Variants in UGT1A7 observed in about 807,000 individuals in gnomAD.
The protein encoded by UGT1A7 is UDP-glucuronosyltransferase 1A7.
UGT1A7 carries 33 observed loss-of-function variants against 45.6 expected under a neutral mutation model. That is an observed-to-expected ratio of 0.72 (90% CI 0.55 to 0.97). UGT1A7 has a LOEUF of 0.97. Among genes scored for constraint, UGT1A7 ranks in the 50% least tolerant of loss-of-function variants. The pLI, the probability that UGT1A7 is intolerant of heterozygous loss-of-function variation, is 0.00. For synonymous variants in UGT1A7, 274 were observed against 250.6 expected (o/e 1.09, Z -0.88); for missense variants, 684 against 666.2 (o/e 1.03, Z -0.29).
At chr2:233,721,989 A>C (rs2076985463) in intron 1 of UGT1A7, 1 of 271,622 alleles carries the variant, frequency 3.7e-6, no homozygotes, top group Non-Finnish European at 7.4e-6. Context: ...TAGTTTCACG[A>C]ATGTCCTTTA....
chr2:233,730,090 C>A, intron 1 of UGT1A7: 2 of 1,596,076 alleles, frequency 1.3e-6, no homozygotes, highest in South Asian at 1.1e-5. Flanking sequence ...ACTTATCTTT[C>A]CAAATATTTC....
intron 1 of UGT1A7, among the ~76,000 whole-genome samples, chr2:233,688,641 G>T (rs941155352): frequency 6.6e-6 from 1 of 152,082 alleles, no homozygotes; most frequent in African/African-American, 2.4e-5. Context: ...GTTTTTGTTG[G>T]TGTTACAGAA....
At chr2:233,742,942 C>G (rs1321055603) in intron 1 of UGT1A7, 1 of 213,758 alleles carries the variant, frequency 4.7e-6, no homozygotes, top group South Asian at 7.7e-5. Context: ...TGTCCTACCA[C>G]TAGCAAATAA....
rs572292446 is a variant in UGT1A7, at chr2:233,711,883, C to T, written c.855+29091C>T. On this transcript the variant is annotated intron_variant, in intron 1 of 4. Transcript: ENST00000373426. ...GTATGAGTGACTTTCTGGAGCAGGA[C>T]GAGTCTCATGGGCGTGAGACCATTG... is the stretch of plus-strand genomic sequence containing the variant. Among the ~76,000 whole-genome samples the T allele has an allele frequency of 3.3e-5, 5 of 152,278 alleles. No homozygotes were observed. In the South Asian group the frequency reaches 8.3e-4, roughly 25 times the overall value.
Position 233,772,859 on chromosome 2 carries a change from T to C in UGT1A7, c.*300T>C. 1.4e-6 allele frequency: 1 copy of C among 698,172 alleles called. No homozygotes were observed. Among genetic ancestry groups the C allele is most frequent in the Non-Finnish European group, 2.1e-6 (1 of 477,226 alleles). The allele number at this position is 698,172 out of a possible 1,614,324, so 43.2% of individuals were successfully genotyped here. On this transcript the variant is annotated 3_prime_UTR_variant, in exon 5 of 5. Transcript: ENST00000373426. ...AGATTACTTTTCTTACTCTGAAACA[T>C]GGCCTGTTTGGGAGTGCGGGATTCA...
intron 1 of UGT1A7, among the ~76,000 whole-genome samples, chr2:233,757,344 G>C (rs1023299797): frequency 6.6e-6 from 1 of 150,900 alleles, no homozygotes; most frequent in Non-Finnish European, 1.5e-5. Flanking sequence ...ATGACAGCTG[G>C]GTCTGAGAGA....
chr2:233,752,437 T>C (rs973405993), intron 1 of UGT1A7: 4 of 152,200 alleles, frequency 2.6e-5, no homozygotes, highest in African/African-American at 9.7e-5. Context: ...CGAACCCTTT[T>C]ATAAAAGATG....
intron 1 of UGT1A7, chr2:233,740,801 T>C (rs1183144283): frequency 3.3e-5 from 5 of 152,052 alleles, no homozygotes; most frequent in African/African-American, 1.2e-4. Context: ...TAACAGGCTC[T>C]AGCACTGTTC....
intron 1 of UGT1A7, among the ~76,000 whole-genome samples, chr2:233,724,299 A>G (rs1357747984): frequency 8.9e-6 from 1 of 112,936 alleles, no homozygotes; most frequent in African/African-American, 3.5e-5. Flanking sequence ...TGACCCCCCC[A>G]CCTCCCTCCC....
intron 1 of UGT1A7, chr2:233,690,611 C>T (rs1192980104): frequency 5.4e-6 from 7 of 1,289,328 alleles, no homozygotes; most frequent in Non-Finnish European, 7.1e-6. Context: ...TCGGCCTTTG[C>T]CTGGACACTC....
intron 1 of UGT1A7, chr2:233,719,143 A>T: frequency 6.2e-7 from 1 of 1,614,250 alleles, no homozygotes; most frequent in Non-Finnish European, 8.5e-7. Flanking sequence ...CATCTTCTGA[A>T]GAGATATTCT....
intron 1 of UGT1A7, among the ~76,000 whole-genome samples, chr2:233,756,911 G>A (rs1386201221): frequency 6.6e-6 from 1 of 152,014 alleles, no homozygotes; most frequent in African/African-American, 2.4e-5. Flanking sequence ...ACAAACTTCT[G>A]AGTTTATATA....
chr2:233,703,233 A>G (rs1316206698), intron 1 of UGT1A7, among the ~76,000 whole-genome samples: 2 of 152,204 alleles, frequency 1.3e-5, no homozygotes, highest in Admixed American at 1.3e-4. Flanking sequence ...TCCTTGGCAT[A>G]AAATGGCCCA....
At chr2:233,745,788 G>A (rs1003270220) in intron 1 of UGT1A7, among the ~76,000 whole-genome samples, 1 of 150,764 alleles carries the variant, frequency 6.6e-6, no homozygotes, top group Non-Finnish European at 1.5e-5. Flanking sequence ...AGACAGGGGG[G>A]CTGGGGTCTA....
chr2:233,772,311 G>T lies in UGT1A7; in HGVS notation c.1345G>T (p.Val449Leu), dbSNP rs587784536. 12 of 1,614,228 alleles carry T rather than the reference G, an allele frequency of 7.4e-6. No homozygotes were observed. In the Admixed American group the frequency reaches 1.5e-4, roughly 20 times the overall value. Residue 449 changes from valine (V) to leucine (L), a missense_variant, in exon 5 of 5, where the codon GTG becomes TTG. Transcript: ENST00000373426. ...RLSSLHKDRP[V>L]EPLDLAVFWV... ...CTCCAGCCTTCACAAGGACCGCCCG[G>T]TGGAGCCGCTGGACCTGGCCGTGTT...
At chr2:233,695,026 A>G (rs1281152166) in intron 1 of UGT1A7, among the ~76,000 whole-genome samples, 1 of 152,126 alleles carries the variant, frequency 6.6e-6, no homozygotes, top group Non-Finnish European at 1.5e-5. Flanking sequence ...GAACTGCAGT[A>G]TACATTCTTG....
intron 1 of UGT1A7, among the ~76,000 whole-genome samples, chr2:233,749,245 A>G (rs1371671760): frequency 6.6e-6 from 1 of 151,908 alleles, no homozygotes; most frequent in Admixed American, 6.5e-5. Context: ...ATCAAACCAC[A>G]TGATTTTTTT....
intron 1 of UGT1A7, chr2:233,752,519 T>C (rs1480791131): frequency 6.6e-6 from 1 of 152,208 alleles, no homozygotes; most frequent in East Asian, 1.9e-4. Context: ...ATTTTTCAAT[T>C]CTAAAAATTC....
chr2:233,729,114 G>T (rs1215880389), intron 1 of UGT1A7: 1 of 1,612,830 alleles, frequency 6.2e-7, no homozygotes. Context: ...AGCTGTCCGT[G>T]TCTTCTGCTG....
Sources: gnomAD v4.1 joint callset for allele counts (sites outside exome capture counted in the v4.1 genomes callset) on GRCh38, gnomAD v4.1.1 for gene constraint, MANE v1.5 for transcripts, NCBI Gene and HGNC (gene_info 2026-07-23, HGNC 2026-07-21) for gene names.